ADAMTSL1: variants seen among roughly 807,000 people sequenced by gnomAD.
ADAMTSL1 encodes the protein ADAMTS-like protein 1.
ADAMTSL1 carries 126 observed loss-of-function variants against 201.8 expected under a neutral mutation model. That is an observed-to-expected ratio of 0.62 (90% CI 0.54 to 0.72). The LOEUF (loss-of-function observed/expected upper bound fraction) is 0.72. Among genes scored for constraint, ADAMTSL1 ranks in the 30% least tolerant of loss-of-function variants. The pLI, the probability that ADAMTSL1 is intolerant of heterozygous loss-of-function variation, is 0.00. For synonymous variants in ADAMTSL1, 1,121 were observed against 903.4 expected (o/e 1.24, Z -4.32); for missense variants, 2,679 against 2,277.8 (o/e 1.18, Z -3.59).
intron 2 of ADAMTSL1, among the ~76,000 whole-genome samples, chr9:18,287,768 CAT>C (rs1833076251): frequency 6.6e-6 from 1 of 151,472 alleles, no homozygotes; most frequent in Non-Finnish European, 1.5e-5. Flanking sequence ...TATTGGGGTG[CAT>C]ATATATAGTC....
chr9:18,558,931 C>T (rs968465258), intron 3 of ADAMTSL1, among the ~76,000 whole-genome samples: 19 of 152,072 alleles, frequency 1.2e-4, no homozygotes, highest in African/African-American at 4.3e-4. Flanking sequence ...GAATAGATTG[C>T]AAAAAATTTC....
chr9:17,986,388 C>G (rs1476207271), intron 1 of ADAMTSL1, among the ~76,000 whole-genome samples: 5 of 151,888 alleles, frequency 3.3e-5, no homozygotes, highest in African/African-American at 1.2e-4. Flanking sequence ...AAGTCCAGGA[C>G]TTTTGAAGAC....
intron 23 of ADAMTSL1, among the ~76,000 whole-genome samples, chr9:18,855,497 G>T (rs1161891566): frequency 6.6e-6 from 1 of 152,126 alleles, no homozygotes; most frequent in South Asian, 2.1e-4. Flanking sequence ...GGTAGGGTAG[G>T]CCAAAGGAGA....
intron 1 of ADAMTSL1, among the ~76,000 whole-genome samples, chr9:17,957,960 T>G (rs1168428152): frequency 6.6e-6 from 1 of 152,136 alleles, no homozygotes; most frequent in East Asian, 1.9e-4. Context: ...TGGGAGAGAA[T>G]AAGTTTTTGT....
intron 1 of ADAMTSL1, among the ~76,000 whole-genome samples, chr9:17,975,934 A>T (rs534953966): frequency 1.3e-5 from 2 of 152,126 alleles, no homozygotes; most frequent in South Asian, 2.1e-4. Context: ...ATTCTTTTGC[A>T]TGTGGATATC....
intron 4 of ADAMTSL1, among the ~76,000 whole-genome samples, chr9:18,606,109 A>T (rs957145537): frequency 2.0e-5 from 3 of 152,098 alleles, no homozygotes; most frequent in Non-Finnish European, 4.4e-5. Context: ...GTTTGGGCTG[A>T]GTTCAGTTTG....
chr9:17,970,216 A>T (rs1818150838), intron 1 of ADAMTSL1, among the ~76,000 whole-genome samples: 1 of 152,036 alleles, frequency 6.6e-6, no homozygotes, highest in East Asian at 1.9e-4. Context: ...TTCAAAAACA[A>T]CAACAAATGG....
intron 2 of ADAMTSL1, among the ~76,000 whole-genome samples, chr9:18,526,821 A>G (rs900963623): frequency 3.9e-5 from 6 of 152,116 alleles, no homozygotes; most frequent in African/African-American, 1.4e-4. Flanking sequence ...ACTACTTAAA[A>G]TCCCTTGGTG....
intron 10 of ADAMTSL1, among the ~76,000 whole-genome samples, chr9:18,676,937 C>A (rs748349651): frequency 6.6e-6 from 1 of 152,016 alleles, no homozygotes; most frequent in Non-Finnish European, 1.5e-5. Flanking sequence ...TTCATTCTCC[C>A]ATTTCTTCCC....
Position 18,546,394 on chromosome 9 carries a change from C to G in ADAMTSL1, c.237+13102C>G, listed in dbSNP as rs1587522522. 2.0e-5 allele frequency among the ~76,000 whole-genome samples: 3 copies of G among 152,152 alleles called. No individual in the cohort carries two copies. The South Asian group carries it at 6.2e-4, about 32-fold the overall frequency. Reference sequence around the variant, plus strand: ...GGGTACAATCACAGCTCACTATAACCTCAAACTCCTGGACTCAAGTGATCT... The same window carrying G: ...GGGTACAATCACAGCTCACTATAACGTCAAACTCCTGGACTCAAGTGATCT... On this transcript the variant is annotated intron_variant, in intron 3 of 28. Transcript: ENST00000380548.
intron 3 of ADAMTSL1, among the ~76,000 whole-genome samples, chr9:18,571,545 C>A (rs1399449521): frequency 6.6e-6 from 1 of 152,184 alleles, no homozygotes; most frequent in Non-Finnish European, 1.5e-5. Context: ...CATTGCTAAA[C>A]TGTCAGTTCA....
chr9:18,087,704 T>C (rs1228183669), intron 1 of ADAMTSL1, among the ~76,000 whole-genome samples: 1 of 152,176 alleles, frequency 6.6e-6, no homozygotes, highest in Non-Finnish European at 1.5e-5. Flanking sequence ...TTAAATACTT[T>C]TTGATAATAT....
At chr9:18,807,042 A>T (rs544301223) in intron 20 of ADAMTSL1, among the ~76,000 whole-genome samples, 14 of 152,320 alleles carry the variant, frequency 9.2e-5, no homozygotes, top group Admixed American at 5.2e-4. Flanking sequence ...GTCTGAAGGA[A>T]CCGTGCAAAA....
At chr9:18,892,358 G>C (rs780706995) in intron 25 of ADAMTSL1, 31 bp from the exon 26 acceptor site, 2 of 1,595,380 alleles carry the variant, frequency 1.3e-6, no homozygotes, top group Non-Finnish European at 1.7e-6. Context: ...TGTCCCTTTA[G>C]GGCTCTCCTG....
chr9:18,631,251 C>T (rs1826751086), intron 5 of ADAMTSL1, among the ~76,000 whole-genome samples: 1 of 152,090 alleles, frequency 6.6e-6, no homozygotes, highest in Admixed American at 6.6e-5. Context: ...ATGAAGTTCT[C>T]CAGATGGGAA....
At chr9:18,370,739 T>C (rs1837009272) in intron 2 of ADAMTSL1, among the ~76,000 whole-genome samples, 1 of 150,984 alleles carries the variant, frequency 6.6e-6, no homozygotes, top group Non-Finnish European at 1.5e-5. Flanking sequence ...TTTCCTATCA[T>C]TCCAGCAATG....
intron 1 of ADAMTSL1, among the ~76,000 whole-genome samples, chr9:18,125,409 G>C (rs1825690587): frequency 6.6e-6 from 1 of 152,122 alleles, no homozygotes; most frequent in Non-Finnish European, 1.5e-5. Flanking sequence ...GATTTGGGTA[G>C]GGACACACCC....
At chr9:18,195,397 C>G (rs1829135307) in intron 2 of ADAMTSL1, among the ~76,000 whole-genome samples, 1 of 152,076 alleles carries the variant, frequency 6.6e-6, no homozygotes, top group Admixed American at 6.5e-5. Flanking sequence ...ATTTTATCCT[C>G]CTAACATCCT....
At chr9:18,403,545 T>C (rs1818067971) in intron 2 of ADAMTSL1, among the ~76,000 whole-genome samples, 1 of 152,180 alleles carries the variant, frequency 6.6e-6, no homozygotes, top group Admixed American at 6.6e-5. Context: ...TTTCTCTGTC[T>C]CAATAGTTCC....
Sources: allele counts gnomAD v4.1 joint callset (sites outside exome capture counted in the v4.1 genomes callset), GRCh38; gene constraint gnomAD v4.1.1; transcripts MANE v1.5; gene names NCBI Gene and HGNC (gene_info 2026-07-23, HGNC 2026-07-21).